The following GSDME variants were observed in gnomAD, a reference collection of about 807,000 sequenced individuals.
The protein encoded by GSDME is gasdermin-E.
In GSDME, 44 loss-of-function variants were observed where a neutral mutation model predicts 47.5. That is an observed-to-expected ratio of 0.93 (90% confidence interval 0.73 to 1.19). The LOEUF (loss-of-function observed/expected upper bound fraction) is 1.19. GSDME is among the 50% of genes most tolerant of loss of function. The pLI, the probability that GSDME is intolerant of heterozygous loss-of-function variation, is 0.00. For synonymous variants in GSDME, 258 were observed against 252.8 expected (o/e 1.02, Z -0.20); for missense variants, 663 against 604.2 (o/e 1.10, Z -1.02).
At chr7:24,707,409 C>T (rs760161183) in intron 7 of GSDME, 1 of 471,600 alleles carries the variant, frequency 2.1e-6, no homozygotes, top group South Asian at 1.5e-5. Context: ...ACTTGACCTC[C>T]CCAGGATATC....
At position 24,736,894 on chromosome 7, in the gene GSDME, A is replaced by G. The variant is rs1410301249; in HGVS notation, c.404+7668T>C. 6.6e-6 allele frequency among the ~76,000 whole-genome samples: 1 copy of G among 152,226 alleles called. No homozygotes were observed. Among genetic ancestry groups the G allele is most frequent in the African/African-American group, 2.4e-5 (1 of 41,470 alleles). On this transcript the variant is annotated intron_variant, in intron 3 of 9. Transcript: ENST00000645220. This position sits in a 1 kb window ranked among gnomAD's most constrained non-coding sequence, Gnocchi z 4.6. ...AAACTATGCAAATACATGGAAATTA[A>G]ACAACATGCTCCTGAATGACCAGTG...
intron 3 of GSDME, among the ~76,000 whole-genome samples, chr7:24,731,404 G>A (rs1790140549): frequency 6.6e-6 from 1 of 152,208 alleles, no homozygotes; most frequent in Non-Finnish European, 1.5e-5. Context: ...GTGGTCAGTC[G>A]CTCCACGGTG....
At chr7:24,764,400 C>T in the GSDME span, among the ~76,000 whole-genome samples, 1 of 152,096 alleles carries the variant, frequency 6.6e-6, no homozygotes, top group Admixed American at 6.6e-5. The surrounding 1 kb of genome is among the most constrained non-coding windows in gnomAD (Gnocchi z 4.4). Flanking sequence ...TATGTTGAAA[C>T]CTTCAAGCTT....
At position 24,707,683 on chromosome 7, in the gene GSDME, G is replaced by GAC. The variant is rs10531811; in HGVS notation, c.990+442_990+443dup. 2.8e-3 allele frequency: 921 copies of GAC among 329,660 alleles called. 5 individuals carry two copies. Among genetic ancestry groups the GAC allele is most frequent in the Admixed American group, 5.5e-3 (129 of 23,346 alleles). The allele number at this position is 329,660 out of a possible 1,614,324, so 20.4% of individuals were successfully genotyped here. A position where few individuals can be genotyped will look rare whatever the true frequency, so the allele number is the denominator to read the frequency against. On this transcript the variant is annotated intron_variant, in intron 7 of 9. Coordinates refer to ENST00000645220, the MANE Select transcript of GSDME (RefSeq NM_001127453.2). ...CTTTATAACAGACAGTAAAGGAGAA[G>GAC]ACACACACACACACACAGAGGGGAA...
At chr7:24,709,214 C>T (rs948292097) in intron 6 of GSDME, among the ~76,000 whole-genome samples, 3 of 152,172 alleles carry the variant, frequency 2.0e-5, no homozygotes, top group African/African-American at 7.2e-5. Flanking sequence ...CCCACTGCAC[C>T]CCTGCTGACC....
At chr7:24,760,415 C>G (rs1791149377), upstream of GSDME, among the ~76,000 whole-genome samples, 1 of 152,136 alleles carries the variant, frequency 6.6e-6, no homozygotes, top group Non-Finnish European at 1.5e-5. This position sits in a 1 kb window ranked among gnomAD's most constrained non-coding sequence, Gnocchi z 4.2. Flanking sequence ...ACTTTGGATC[C>G]ATCAGATTTG....
rs1248235051 is a variant in GSDME, at chr7:24,707,980, A to C, written c.990+147T>G. The stretch of plus-strand genomic sequence containing the variant: ...CGATGCCAGCTACCTGTCTGCACTT[A>C]GAAAACGCAGGACCCAAGAGTCAGA... On this transcript the variant is annotated intron_variant, in intron 7 of 9. Transcript: ENST00000645220. 4.1e-6 allele frequency: 4 copies of C among 987,256 alleles called. No homozygotes were observed. In the East Asian group the frequency reaches 7.6e-5, roughly 19 times the overall value. The allele number at this position is 987,256 out of a possible 1,614,324, so 61.2% of individuals were successfully genotyped here.
At chr7:24,700,810 A>T (rs1788833871) in intron 9 of GSDME, among the ~76,000 whole-genome samples, 1 of 152,208 alleles carries the variant, frequency 6.6e-6, no homozygotes. Context: ...GAGGAGCCCC[A>T]CTGGCGCAGG....
At chr7:24,758,604 G>A (rs1220103627), upstream of GSDME, among the ~76,000 whole-genome samples, 1 of 152,178 alleles carries the variant, frequency 6.6e-6, no homozygotes, top group African/African-American at 2.4e-5. This position sits in a 1 kb window ranked among gnomAD's most constrained non-coding sequence, Gnocchi z 4.6. Context: ...AAGGCTGTTC[G>A]GGGAGGGCAG....
chr7:24,758,623 GC>G (rs1791112252), upstream of GSDME, among the ~76,000 whole-genome samples: 1 of 152,184 alleles, frequency 6.6e-6, no homozygotes, highest in African/African-American at 2.4e-5. The surrounding 1 kb of genome is among the most constrained non-coding windows in gnomAD (Gnocchi z 4.6). Context: ...AGGTAGAGAA[GC>G]CCGGCAGCGC....
Position 24,744,966 on chromosome 7 carries a change from C to G in GSDME, c.212-212G>C, listed in dbSNP as rs566568411. ...TGTGTGTGTGTGGACCGCGGGCACA[C>G]AGTGGACCAGTGCAGCACGTGTGTG... is the stretch of plus-strand genomic sequence containing the variant. On this transcript the variant is annotated intron_variant, in intron 2 of 9. Transcript: ENST00000645220. This position sits in a 1 kb window ranked among gnomAD's most constrained non-coding sequence, Gnocchi z 4.5. Among the ~76,000 whole-genome samples the G allele has an allele frequency of 7.5e-5, 10 of 133,820 alleles. No individual in the cohort carries two copies. The East Asian group carries it at 1.9e-3, about 25-fold the overall frequency. 87.8% of individuals were successfully genotyped at this position (133,820 alleles called of 152,430 possible).
At chr7:24,778,109 GT>G in the GSDME span, among the ~76,000 whole-genome samples, 1 of 151,456 alleles carries the variant, frequency 6.6e-6, no homozygotes, top group Non-Finnish European at 1.5e-5. The surrounding 1 kb of genome is among the most constrained non-coding windows in gnomAD (Gnocchi z 5.6). Flanking sequence ...GAGAAAGACT[GT>G]GTATGTGCAT....
At chr7:24,758,469 A>G (rs1791109105), upstream of GSDME, among the ~76,000 whole-genome samples, 1 of 152,232 alleles carries the variant, frequency 6.6e-6, no homozygotes, top group East Asian at 1.9e-4. The surrounding 1 kb of genome is among the most constrained non-coding windows in gnomAD (Gnocchi z 4.6). Context: ...GCTCAGTGAC[A>G]CTTTCAGTCA....
chr7:24,744,272 C>A lies in GSDME; in HGVS notation c.404+290G>T, dbSNP rs1229004923. On this transcript the variant is annotated intron_variant, in intron 3 of 9. Coordinates refer to ENST00000645220, the MANE Select transcript of GSDME (RefSeq NM_001127453.2). This position sits in a 1 kb window ranked among gnomAD's most constrained non-coding sequence, Gnocchi z 4.5. ...TAATATTCAAAAATGCAGGACAGAGCATTTTTACCGTTCGCATTTTATAAA... is the reference window on the plus strand; with the variant it reads ...TAATATTCAAAAATGCAGGACAGAGAATTTTTACCGTTCGCATTTTATAAA... 1.6e-5 allele frequency: 7 copies of A among 439,922 alleles called. No homozygotes were observed. The East Asian group carries it at 3.5e-4, about 22-fold the overall frequency. The allele number at this position is 439,922 out of a possible 1,614,324, so 27.3% of individuals were successfully genotyped here.
chr7:24,713,140 G>C (rs899217544), intron 5 of GSDME, among the ~76,000 whole-genome samples: 12 of 152,080 alleles, frequency 7.9e-5, no homozygotes, highest in Admixed American at 2.0e-4. Context: ...TTTTTGCTAG[G>C]TTTGAGGGAC....
chr7:24,704,138 C>T (rs565494233), intron 8 of GSDME: 3 of 152,362 alleles, frequency 2.0e-5, no homozygotes, highest in Non-Finnish European at 4.4e-5. Context: ...ACTCTGATTT[C>T]CTGGAGGGCC....
At chr7:24,765,302 T>A in the GSDME span, among the ~76,000 whole-genome samples, 1 of 152,220 alleles carries the variant, frequency 6.6e-6, no homozygotes, top group Admixed American at 6.5e-5. Context: ...GACAAAAAGT[T>A]TACAAAAAGA....
chr7:24,791,732 A>C, the GSDME span, among the ~76,000 whole-genome samples: 1 of 152,174 alleles, frequency 6.6e-6, no homozygotes, highest in Non-Finnish European at 1.5e-5. This position sits in a 1 kb window ranked among gnomAD's most constrained non-coding sequence, Gnocchi z 4.8. Flanking sequence ...TATTCGGCAG[A>C]GTGTCCAGTA....
chr7:24,794,790 T>C, the GSDME span, among the ~76,000 whole-genome samples: 1 of 152,058 alleles, frequency 6.6e-6, no homozygotes, highest in African/African-American at 2.4e-5. Flanking sequence ...AAAACAACAC[T>C]CTTACCACAA....
Sources: gnomAD v4.1 joint callset for allele counts (sites outside exome capture counted in the v4.1 genomes callset) on GRCh38, gnomAD v4.1.1 for gene constraint, Gnocchi (gnomAD v3.1) non-coding constraint, MANE v1.5 for transcripts, NCBI Gene and HGNC (gene_info 2026-07-23, HGNC 2026-07-21) for gene names.